ARHGEF3: variants seen among roughly 807,000 people sequenced by gnomAD.
ARHGEF3 encodes 59.8 kDA protein.
ARHGEF3 carries 28 observed loss-of-function variants against 63.2 expected under a neutral mutation model. The observed-to-expected ratio is 0.44, with a 90% confidence interval of 0.33 to 0.61. ARHGEF3 has a LOEUF of 0.61. Among genes scored for constraint, ARHGEF3 ranks in the 20% least tolerant of loss-of-function variants. The probability of loss-of-function intolerance (pLI) is 0.03; values close to 1 mark genes in which losing one functional copy is unlikely to be tolerated. For missense variants in ARHGEF3, 533 were observed against 659.3 expected (o/e 0.81, Z 2.10); for synonymous variants, 266 against 254.2 (o/e 1.05, Z -0.44).
chr3:56,822,983 C>T (rs140305991), intron 4 of ARHGEF3, among the ~76,000 whole-genome samples: 101 of 152,182 alleles, frequency 6.6e-4, no homozygotes, highest in African/African-American at 2.2e-3. Flanking sequence ...AGAACCAAGG[C>T]ATTTTGGTAG....
intron 1 of ARHGEF3, among the ~76,000 whole-genome samples, chr3:56,779,338 G>GA (rs1272107075): frequency 6.6e-6 from 1 of 152,144 alleles, no homozygotes; most frequent in Non-Finnish European, 1.5e-5. Context: ...AAAGTGGATG[G>GA]AAAAAGAGGA....
chr3:57,052,545 C>T (rs1704721043), intron 1 of ARHGEF3, among the ~76,000 whole-genome samples: 6 of 152,220 alleles, frequency 3.9e-5, no homozygotes, highest in Admixed American at 3.3e-4. Context: ...GATCTGCCCA[C>T]TTCAGCCTCC....
chr3:56,919,535 A>C (rs2042071787), intron 3 of ARHGEF3, among the ~76,000 whole-genome samples: 1 of 152,204 alleles, frequency 6.6e-6, no homozygotes, highest in Non-Finnish European at 1.5e-5. Flanking sequence ...TCATTTAGCC[A>C]CCTGCCCTGT....
chr3:56,945,248 T>C (rs2108437550), intron 3 of ARHGEF3, among the ~76,000 whole-genome samples: 1 of 152,154 alleles, frequency 6.6e-6, no homozygotes, highest in East Asian at 1.9e-4. Context: ...TTCATCTCAC[T>C]GGGGAGTGTT....
intron 7 of ARHGEF3, among the ~76,000 whole-genome samples, chr3:56,739,456 A>T (rs944444686): frequency 6.9e-6 from 1 of 144,408 alleles, no homozygotes; most frequent in Non-Finnish European, 1.5e-5. Context: ...GCTGGAGTGC[A>T]GTGGCGCCAT....
Position 56,729,317 on chromosome 3 carries a change from T to A in ARHGEF3, c.1534A>T (p.Thr512Ser). 7 of 1,614,166 alleles carry A rather than the reference T, an allele frequency of 4.3e-6. No individual in the cohort carries two copies. Among genetic ancestry groups the A allele is most frequent in the Non-Finnish European group, 5.9e-6 (7 of 1,180,012 alleles). The stretch of plus-strand genomic sequence containing the variant: ...CTGCTGTTTCCACAGGAAGAGTCTG[T>A]CTGTTCCATGCGCTCACAGTCGAGG... ...VSLDCERMEQ[T>S]DSSCGNSRHG... Residue 512 changes from threonine to serine, a missense_variant, in exon 10 of 10, where the codon ACA becomes TCA. Around this residue, in one of 4 missense-constraint regions of ARHGEF3, gnomAD observed 115 missense variants for 103.4 expected, o/e 1.11. Coordinates refer to ENST00000296315, the MANE Select transcript of ARHGEF3 (RefSeq NM_019555.3).
intron 2 of ARHGEF3, among the ~76,000 whole-genome samples, chr3:56,975,284 G>A (rs2106872195): frequency 6.6e-6 from 1 of 152,200 alleles, no homozygotes; most frequent in South Asian, 2.1e-4. Flanking sequence ...CGAGCGTGGT[G>A]GTGCTCACCT....
chr3:56,939,736 G>A (rs1032841047), intron 3 of ARHGEF3: 4 of 152,190 alleles, frequency 2.6e-5, no homozygotes, highest in African/African-American at 9.6e-5. Flanking sequence ...TGAAAGAAGA[G>A]GAGTTAGGAG....
At chr3:57,071,027 G>A (rs1466890589) in intron 1 of ARHGEF3, among the ~76,000 whole-genome samples, 1 of 151,392 alleles carries the variant, frequency 6.6e-6, no homozygotes, top group East Asian at 1.9e-4. Flanking sequence ...GACAAAGTTG[G>A]AGGATTCATA....
intron 2 of ARHGEF3, among the ~76,000 whole-genome samples, chr3:56,984,146 A>G (rs1701444261): frequency 1.3e-5 from 2 of 152,086 alleles, no homozygotes; most frequent in African/African-American, 2.4e-5. Context: ...ACAAGAGCTT[A>G]CACAACCACT....
chr3:56,911,178 C>T (rs1358088895), intron 3 of ARHGEF3, among the ~76,000 whole-genome samples: 1 of 151,982 alleles, frequency 6.6e-6, no homozygotes, highest in East Asian at 1.9e-4. Context: ...GGAGAGGACA[C>T]CTGGGGTTTA....
intron 4 of ARHGEF3, among the ~76,000 whole-genome samples, chr3:56,819,282 T>C (rs1484435104): frequency 6.6e-5 from 10 of 152,188 alleles, no homozygotes; most frequent in Non-Finnish European, 1.3e-4. Context: ...AGAGGACCAA[T>C]TGGTTGACAT....
intron 3 of ARHGEF3, among the ~76,000 whole-genome samples, chr3:56,948,351 G>A (rs1699623544): frequency 6.6e-6 from 1 of 152,186 alleles, no homozygotes; most frequent in Admixed American, 6.5e-5. Context: ...CTGGTTTTTT[G>A]AAAAGATCAA....
chr3:57,058,024 A>G (rs2107331592), intron 1 of ARHGEF3, among the ~76,000 whole-genome samples: 1 of 152,306 alleles, frequency 6.6e-6, no homozygotes, highest in African/African-American at 2.4e-5. Context: ...TTTTCCTCAT[A>G]TTGACTGGGC....
intron 2 of ARHGEF3, among the ~76,000 whole-genome samples, chr3:56,760,417 A>G (rs1050609818): frequency 6.6e-6 from 1 of 152,158 alleles, no homozygotes; most frequent in Non-Finnish European, 1.5e-5. Context: ...CTGCTGCGGC[A>G]TGGGAAAAAA....
intron 2 of ARHGEF3, among the ~76,000 whole-genome samples, chr3:56,770,693 C>G (rs766794457): frequency 3.3e-5 from 5 of 152,090 alleles, no homozygotes; most frequent in Non-Finnish European, 5.9e-5. Flanking sequence ...CACTGTCCCC[C>G]CAAGGACACT....
chr3:56,937,787 A>G (rs1698973358), intron 3 of ARHGEF3, among the ~76,000 whole-genome samples: 1 of 152,230 alleles, frequency 6.6e-6, no homozygotes. Context: ...AGGAAATGAC[A>G]GAGTCACTCA....
chr3:56,873,878 T>C (rs2040508429), intron 4 of ARHGEF3, among the ~76,000 whole-genome samples: 1 of 152,212 alleles, frequency 6.6e-6, no homozygotes, highest in Non-Finnish European at 1.5e-5. Flanking sequence ...CACAAGCACC[T>C]TCATTTAACA....
intron 4 of ARHGEF3, among the ~76,000 whole-genome samples, chr3:56,840,918 G>GT (rs1309026222): frequency 1.3e-5 from 2 of 152,070 alleles, no homozygotes; most frequent in Non-Finnish European, 2.9e-5. Context: ...GATAGAAAAG[G>GT]TTTTTTTAAA....
Sources: gnomAD v4.1 joint callset for allele counts (sites outside exome capture counted in the v4.1 genomes callset) on GRCh38, gnomAD v4.1.1 for gene constraint, gnomAD v4.1.1 regional missense constraint, MANE v1.5 for transcripts, NCBI Gene and HGNC (gene_info 2026-07-23, HGNC 2026-07-21) for gene names.